PDXK: variants seen among roughly 807,000 people sequenced by gnomAD.
PDXK encodes the protein epididymis secretory sperm binding protein Li 1a.
A neutral mutation model predicts 43.2 loss-of-function variants in PDXK; 15 were observed. The ratio of observed to expected loss-of-function variants is 0.35; its 90% CI spans 0.23 to 0.53. The LOEUF (loss-of-function observed/expected upper bound fraction) is 0.53, where lower values mean the gene tolerates loss of function less well. Ranked by LOEUF, PDXK falls within the 20% of genes least tolerant of loss-of-function variation. The pLI is 0.92. For synonymous variants in PDXK, 172 were observed against 165.4 expected, an observed-to-expected ratio of 1.04 and a Z score of -0.31; for missense variants, 343 against 417.0, an observed-to-expected ratio of 0.82 and a Z score of 1.54.
rs372754988 is a variant in PDXK at position 43,752,616 on chromosome 21, G to A, written c.609G>A (p.Gly203=). ...GCAGCAACTACCTGATTGTGCTGGG[G>A]AGTCAGAGGAGGAGTAAGTGCCCCC... ...PQGSNYLIVL[G]SQRRRNPAGS... is the part of the protein sequence containing the mutation. The change falls in exon 8 of 11, where the codon GGG becomes GGA. Residue 203 remains glycine (G), a synonymous_variant. Coordinates refer to ENST00000291565, the MANE Select transcript of PDXK (RefSeq NM_003681.5). 15 of 1,608,342 alleles carry A rather than the reference G, an allele frequency of 9.3e-6. No homozygotes were observed. The highest frequency in any genetic ancestry group is 1.3e-5 in the Non-Finnish European group (15 of 1,175,406).
chr21:43,739,056 C>T (rs908324210), intron 2 of PDXK, among the ~76,000 whole-genome samples: 6 of 151,940 alleles, frequency 3.9e-5, no homozygotes, highest in African/African-American at 1.5e-4. Context: ...GCCTTAGCCT[C>T]CCAAGTAGCT....
In PDXK at chr21:43,760,002, G is replaced by A. The variant is rs1190358623; in HGVS notation, c.*3939G>A. On this transcript the variant is annotated 3_prime_UTR_variant, in exon 11 of 11. Coordinates refer to ENST00000291565, the MANE Select transcript of PDXK (RefSeq NM_003681.5). ...GGGAAGCCTGGAGCGTGGCCTGGCG[G>A]GTCTGGGTGGACACCGTCCCCACTC... is the stretch of plus-strand genomic sequence containing the variant. The A allele has an allele frequency of 6.5e-6, 1 of 153,592 alleles. No individual in the cohort carries two copies. The highest frequency in any genetic ancestry group is 1.5e-5 in the Non-Finnish European group (1 of 68,082). 9.5% of individuals were successfully genotyped at this position (153,592 alleles called of 1,614,324 possible).
Position 43,723,242 on chromosome 21 carries a change from C to A in PDXK, c.87+3861C>A, listed in dbSNP as rs976634481. Among the ~76,000 whole-genome samples the A allele has an allele frequency of 6.6e-6, 1 of 151,940 alleles. No homozygotes were observed. Among genetic ancestry groups the A allele is most frequent in the Admixed American group, 6.6e-5 (1 of 15,250 alleles). The stretch of plus-strand genomic sequence containing the variant: ...CGATCTAGGCTCACTGCAACCTCCC[C>A]CTTCCAGGTACAAGCAATTCTCCTG... On this transcript the variant is annotated intron_variant, in intron 1 of 10. Transcript: ENST00000291565. The surrounding 1 kb of genome is among the most constrained non-coding windows in gnomAD (Gnocchi z 4.1).
At chr21:43,720,278 C>A (rs1263205596) in intron 1 of PDXK, among the ~76,000 whole-genome samples, 1 of 152,198 alleles carries the variant, frequency 6.6e-6, no homozygotes, top group Non-Finnish European at 1.5e-5. Context: ...TGCTGCCCAC[C>A]TGCGGCCTGG....
intron 1 of PDXK, among the ~76,000 whole-genome samples, chr21:43,726,767 T>A (rs972174674): frequency 1.3e-5 from 2 of 152,118 alleles, no homozygotes; most frequent in African/African-American, 4.8e-5. Context: ...CCCACATCGG[T>A]GCATGTGTGT....
At chr21:43,731,483 G>A (rs2083317140) in intron 1 of PDXK, among the ~76,000 whole-genome samples, 1 of 152,348 alleles carries the variant, frequency 6.6e-6, no homozygotes, top group South Asian at 2.1e-4. Flanking sequence ...CCATTATAGG[G>A]ACAGGGTTTA....
chr21:43,720,705 C>T (rs938915101), intron 1 of PDXK, among the ~76,000 whole-genome samples: 6 of 152,074 alleles, frequency 3.9e-5, no homozygotes, highest in Non-Finnish European at 8.8e-5. Context: ...CACAGGCTGG[C>T]GGATTGCTTG....
intron 3 of PDXK, among the ~76,000 whole-genome samples, chr21:43,742,926 G>A (rs1206722984): frequency 6.6e-6 from 1 of 152,110 alleles, no homozygotes; most frequent in African/African-American, 2.4e-5. Flanking sequence ...TATAAATAAA[G>A]GAAAGATCAC....
intron 7 of PDXK, among the ~76,000 whole-genome samples, chr21:43,750,962 ATG>A (rs3042278): frequency 0.31 from 46,908 of 150,608 alleles, 7,420 homozygotes; most frequent in Middle Eastern, 0.36. Flanking sequence ...ATGTGTGTGC[ATG>A]TGTGTGTGTG....
intron 7 of PDXK, among the ~76,000 whole-genome samples, chr21:43,752,243 A>G (rs1258461857): frequency 6.6e-6 from 1 of 152,250 alleles, no homozygotes; most frequent in Non-Finnish European, 1.5e-5. Flanking sequence ...ACAGGCACCC[A>G]TCTGTCCACC....
intron 1 of PDXK, among the ~76,000 whole-genome samples, chr21:43,731,022 G>A (rs1309879965): frequency 2.0e-5 from 3 of 151,946 alleles, no homozygotes; most frequent in Non-Finnish European, 2.9e-5. Flanking sequence ...AATAGAGATG[G>A]AATCTTGCTA....
At position 43,758,913 on chromosome 21, in the gene PDXK, T is replaced by A. The variant is rs920778955; in HGVS notation, c.*2850T>A. 2.6e-5 allele frequency: 4 copies of A among 152,266 alleles called. No homozygotes were observed. The highest frequency in any genetic ancestry group is 4.4e-5 in the Non-Finnish European group (3 of 68,054). The allele number at this position is 152,266 out of a possible 1,614,324, so 9.4% of individuals were successfully genotyped here. A position where few individuals can be genotyped will look rare whatever the true frequency, so the allele number is the denominator to read the frequency against. ...TGCCAAGGTTATTATGTGCATCTGT[T>A]ATTTTTCCAATACATGTAAACAGTT... On this transcript the variant is annotated 3_prime_UTR_variant, in exon 11 of 11. Coordinates refer to ENST00000291565, the MANE Select transcript of PDXK (RefSeq NM_003681.5).
rs772641396 is a variant in PDXK, at chr21:43,756,081, C to T, written c.*18C>T. On this transcript the variant is annotated 3_prime_UTR_variant, in exon 11 of 11. Coordinates refer to ENST00000291565, the MANE Select transcript of PDXK (RefSeq NM_003681.5). ...TGCTGTGAGGGCCCCGCCGCTTGCC[C>T]GTGACACGCAGCGCGTTGGTGTCTC... 9.8e-6 allele frequency: 14 copies of T among 1,434,668 alleles called. No homozygotes were observed. Among genetic ancestry groups the T allele is most frequent in the South Asian group, 2.3e-5 (2 of 85,604 alleles). The allele number at this position is 1,434,668 out of a possible 1,614,324, so 88.9% of individuals were successfully genotyped here.
chr21:43,760,268 C>T lies in PDXK; in HGVS notation c.*4205C>T, dbSNP rs956728209. 4 of 151,028 alleles carry T rather than the reference C, an allele frequency of 2.6e-5. No individual in the cohort carries two copies. The highest frequency in any genetic ancestry group is 9.8e-5 in the African/African-American group (4 of 40,970). The allele number at this position is 151,028 out of a possible 1,614,324, so 9.4% of individuals were successfully genotyped here. A position where few individuals can be genotyped will look rare whatever the true frequency, so the allele number is the denominator to read the frequency against. ...CTCGGCTCACTGCAAACTCCGCTTCCTGGGTTCAAGTGGTTCTCCTGCCCC... is the reference window on the plus strand; with the variant it reads ...CTCGGCTCACTGCAAACTCCGCTTCTTGGGTTCAAGTGGTTCTCCTGCCCC... On this transcript the variant is annotated 3_prime_UTR_variant, in exon 11 of 11. Transcript: ENST00000291565.
At chr21:43,731,993 G>A (rs9974754) in intron 1 of PDXK, 66,909 of 273,648 alleles carry the variant, frequency 0.24, 9,365 homozygotes, top group Non-Finnish European at 0.3. Flanking sequence ...GGGGGCATGC[G>A]ATGAGGAATT....
intron 1 of PDXK, 82 bp downstream of exon 1, chr21:43,719,463 C>G: frequency 7.2e-7 from 1 of 1,385,176 alleles, no homozygotes; most frequent in South Asian, 1.3e-5. Context: ...CCTCAGTTCC[C>G]CGAGGGAGGC....
chr21:43,752,370 TG>T (rs1601835051), intron 7 of PDXK, 147 bp from the exon 8 acceptor site: 1 of 615,426 alleles, frequency 1.6e-6, no homozygotes, highest in Non-Finnish European at 2.9e-6. Flanking sequence ...GTGCCGCCAT[TG>T]GGAACGGGCT....
intron 1 of PDXK, among the ~76,000 whole-genome samples, chr21:43,728,443 CCCTGGAACG>C (rs1181664550): frequency 2.0e-5 from 3 of 152,186 alleles, no homozygotes; most frequent in African/African-American, 7.2e-5. Flanking sequence ...CCCTGCTCTC[CCCTGGAACG>C]CCTGGAACTA....
chr21:43,746,089 A>G lies in PDXK; in HGVS notation c.342A>G (p.Pro114=). ...CTTGTGTCTCTGCAGTGTGTGATCC[A>G]GTCTTGGGTGACAAGTGGGACGGCG... ...QNPRLVYVCD[P]VLGDKWDGEG... Residue 114 remains proline, a synonymous_variant, in exon 5 of 11, where the codon CCA becomes CCG. Transcript: ENST00000291565. The G allele has an allele frequency of 6.2e-7, 1 of 1,613,630 alleles. No homozygotes were observed. Among genetic ancestry groups the G allele is most frequent in the Non-Finnish European group, 8.5e-7 (1 of 1,179,496 alleles).
Sources: gnomAD v4.1 joint callset for allele counts (sites outside exome capture counted in the v4.1 genomes callset) on GRCh38, gnomAD v4.1.1 for gene constraint, Gnocchi (gnomAD v3.1) non-coding constraint, MANE v1.5 for transcripts, NCBI Gene and HGNC (gene_info 2026-07-23, HGNC 2026-07-21) for gene names.